Variants in BCAS3 observed in about 807,000 individuals in gnomAD.
BCAS3 encodes BCAS3 microtubule associated cell migration factor, also known as BCAS4/BCAS3 fusion.
In BCAS3, 53 loss-of-function variants were observed where a neutral mutation model predicts 116.1. The observed-to-expected ratio is 0.46, with a 90% CI of 0.37 to 0.57. The LOEUF (loss-of-function observed/expected upper bound fraction) is 0.57. Ranked by LOEUF, BCAS3 falls within the 20% of genes least tolerant of loss-of-function variation. The pLI, the probability that BCAS3 is intolerant of heterozygous loss-of-function variation, is 0.00. For synonymous variants in BCAS3, 391 were observed against 408.2 expected, an observed-to-expected ratio of 0.96 and a Z score of 0.51; for missense variants, 917 against 1,165.4, an observed-to-expected ratio of 0.79 and a Z score of 3.10.
rs1465676648 is a variant in BCAS3 at position 60,874,683 on chromosome 17, G to A, written c.606G>A (p.Gln202=). 2 of 1,610,226 alleles carry A rather than the reference G, an allele frequency of 1.2e-6. No individual in the cohort carries two copies. The highest frequency in any genetic ancestry group is 8.5e-7 in the Non-Finnish European group (1 of 1,178,160). Reference sequence around the variant, plus strand: ...TTAGGATCCTTGTCGTAGTCTTGCAGGAGAAAATTGCTGCCTTTGATAGCT... The same window carrying A: ...TTAGGATCCTTGTCGTAGTCTTGCAAGAGAAAATTGCTGCCTTTGATAGCT... ...CNKRILVVVL[Q]EKIAAFDSCT... The change falls in exon 9 of 24, where the codon CAG becomes CAA. Residue 202 remains glutamine, a synonymous_variant. Transcript: ENST00000407086.
chr17:60,703,862 C>T (rs1261840371), intron 4 of BCAS3, among the ~76,000 whole-genome samples: 1 of 147,802 alleles, frequency 6.8e-6, no homozygotes, highest in African/African-American at 2.5e-5. Context: ...TGTAGTGAGC[C>T]GAGATCATGC....
chr17:61,279,328 G>A lies in BCAS3; in HGVS notation c.2426-88999G>A, dbSNP rs147769754. On this transcript the variant is annotated intron_variant, in intron 22 of 23. Coordinates refer to ENST00000407086, the MANE Select transcript of BCAS3 (RefSeq NM_017679.5). The surrounding 1 kb of genome is among the most constrained non-coding windows in gnomAD (Gnocchi z 4.4). The stretch of plus-strand genomic sequence containing the variant: ...ATCTTTTTTTTTTTAAGGCAGCCTA[G>A]GTCTGACACACCTAATAGAACAGAA... 5.3e-5 allele frequency among the ~76,000 whole-genome samples: 8 copies of A among 152,108 alleles called. No individual in the cohort carries two copies. The highest frequency in any genetic ancestry group is 5.2e-4 in the Admixed American group (8 of 15,276).
intron 22 of BCAS3, among the ~76,000 whole-genome samples, chr17:61,154,558 C>T (rs1568466288): frequency 6.6e-6 from 1 of 151,960 alleles, no homozygotes; most frequent in African/African-American, 2.4e-5. Context: ...AACTCAGCCA[C>T]CCCAGTGGCT....
intron 22 of BCAS3, among the ~76,000 whole-genome samples, chr17:61,266,320 C>A (rs2049708084): frequency 6.6e-6 from 1 of 152,152 alleles, no homozygotes; most frequent in Non-Finnish European, 1.5e-5. Flanking sequence ...GAAAGAGACA[C>A]ACACCATCCA....
chr17:61,373,369 C>T (rs920921583), intron 23 of BCAS3, among the ~76,000 whole-genome samples: 2 of 152,000 alleles, frequency 1.3e-5, no homozygotes, highest in Non-Finnish European at 2.9e-5. Context: ...GGATTACAGG[C>T]ATGAACCATG....
chr17:60,900,079 C>T (rs2057779983), intron 10 of BCAS3: 2 of 151,870 alleles, frequency 1.3e-5, no homozygotes, highest in African/African-American at 4.9e-5. Context: ...GGTGAACCAG[C>T]CCAGGTTGGA....
At chr17:60,777,369 A>T (rs2045402626) in intron 6 of BCAS3, among the ~76,000 whole-genome samples, 1 of 152,232 alleles carries the variant, frequency 6.6e-6, no homozygotes, top group Admixed American at 6.5e-5. Context: ...TCATGCCTGT[A>T]ATCCCAGCAC....
At chr17:60,825,165 CAAAA>C (rs796973382) in intron 7 of BCAS3, among the ~76,000 whole-genome samples, 2 of 110,268 alleles carry the variant, frequency 1.8e-5, no homozygotes. Flanking sequence ...GAACCTGTCT[CAAAA>C]AAAAAAAAAA....
intron 14 of BCAS3, among the ~76,000 whole-genome samples, chr17:60,957,029 C>G (rs910326725): frequency 6.6e-6 from 1 of 152,102 alleles, no homozygotes; most frequent in Non-Finnish European, 1.5e-5. Flanking sequence ...TTGGGATATC[C>G]TTTGCATCTG....
chr17:60,857,915 GTC>G (rs1333433790), intron 7 of BCAS3, among the ~76,000 whole-genome samples: 1 of 151,858 alleles, frequency 6.6e-6, no homozygotes, highest in African/African-American at 2.4e-5. Flanking sequence ...CATTTGTTTT[GTC>G]TGTTTCTAAT....
rs564514177 is a variant in BCAS3 at position 60,956,089 on chromosome 17, A to G, written c.1221+8737A>G. On this transcript the variant is annotated intron_variant, in intron 14 of 23. Coordinates refer to ENST00000407086, the MANE Select transcript of BCAS3 (RefSeq NM_017679.5). This position sits in a 1 kb window ranked among gnomAD's most constrained non-coding sequence, Gnocchi z 4.2. The stretch of plus-strand genomic sequence containing the variant: ...TATGCCATTCTGCATTGAACTTTCA[A>G]TTCATTCCTTTATTTACCTATCATT... 3.1e-4 allele frequency among the ~76,000 whole-genome samples: 47 copies of G among 152,276 alleles called. No individual in the cohort carries two copies. The highest frequency in any genetic ancestry group is 1.1e-3 in the African/African-American group (47 of 41,544).
intron 19 of BCAS3, among the ~76,000 whole-genome samples, chr17:61,052,963 C>T (rs529782895): frequency 2.6e-5 from 4 of 151,878 alleles, no homozygotes; most frequent in South Asian, 2.1e-4. Context: ...GCGATCTGCC[C>T]GCCTCGGCCT....
chr17:60,841,546 A>ATTTTTTTTTTTTTTTTTTTT (rs754447784), intron 7 of BCAS3, among the ~76,000 whole-genome samples: 2 of 123,486 alleles, frequency 1.6e-5, no homozygotes, highest in African/African-American at 7.0e-5. Context: ...CACCTGGCTA[A>ATTTTTTTTTTTTTTTTTTTT]TTTTTTTTTT....
At chr17:61,120,515 T>C (rs2075730910) in intron 22 of BCAS3, among the ~76,000 whole-genome samples, 2 of 152,114 alleles carry the variant, frequency 1.3e-5, no homozygotes, top group East Asian at 1.9e-4. Context: ...CTCCTTATTA[T>C]GAAACATTTC....
intron 7 of BCAS3, chr17:60,811,385 C>T (rs1206687223): frequency 3.3e-6 from 2 of 614,298 alleles, no homozygotes; most frequent in Non-Finnish European, 6.0e-6. Context: ...GCAAACCATC[C>T]AGAAGACCAC....
In BCAS3 at chr17:61,304,757, C is replaced by CT. The variant is rs67145055; in HGVS notation, c.2426-63557dup. Among the ~76,000 whole-genome samples the CT allele has an allele frequency of 7.0e-3, 1,009 of 144,480 alleles. 3 individuals are homozygous for CT. Among genetic ancestry groups the CT allele is most frequent in the Middle Eastern group, 0.014 (4 of 276 alleles). 94.8% of individuals were successfully genotyped at this position (144,480 alleles called of 152,430 possible). On this transcript the variant is annotated intron_variant, in intron 22 of 23. Coordinates refer to ENST00000407086, the MANE Select transcript of BCAS3 (RefSeq NM_017679.5). ...TTGAATTCTATTTTCCTTCCCAATCCTTTTTTTTTTTTTGAGGCGGAGTTT... is the reference window on the plus strand; with the variant it reads ...TTGAATTCTATTTTCCTTCCCAATCCTTTTTTTTTTTTTTGAGGCGGAGTTT...
At chr17:61,120,595 A>G (rs1452441499) in intron 22 of BCAS3, among the ~76,000 whole-genome samples, 1 of 152,066 alleles carries the variant, frequency 6.6e-6, no homozygotes, top group Admixed American at 6.5e-5. Flanking sequence ...ACACTTAGCA[A>G]CCCATCACCA....
intron 16 of BCAS3, among the ~76,000 whole-genome samples, chr17:61,018,500 C>T (rs2065640822): frequency 6.6e-6 from 1 of 151,950 alleles, no homozygotes; most frequent in African/African-American, 2.4e-5. Flanking sequence ...CAGGGTTTCG[C>T]CATGTTGGCT....
At chr17:61,382,102 T>A (rs2059631908) in intron 23 of BCAS3, among the ~76,000 whole-genome samples, 1 of 151,606 alleles carries the variant, frequency 6.6e-6, no homozygotes, top group African/African-American at 2.4e-5. Context: ...CTAAGGAGGG[T>A]GGATCACCTG....
Sources: allele counts gnomAD v4.1 joint callset (sites outside exome capture counted in the v4.1 genomes callset), GRCh38; gene constraint gnomAD v4.1.1; non-coding constraint Gnocchi (gnomAD v3.1); transcripts MANE v1.5; gene names NCBI Gene and HGNC (gene_info 2026-07-23, HGNC 2026-07-21).